Variants in ATP6V0E1 observed in about 807,000 individuals in gnomAD.
The protein encoded by ATP6V0E1 is ATPase H+ transporting V0 subunit e1.
Under a neutral mutation model 11.6 loss-of-function variants are expected in ATP6V0E1, and 4 were observed. The observed-to-expected ratio is 0.35, with a 90% CI of 0.17 to 0.79. The LOEUF (loss-of-function observed/expected upper bound fraction) is 0.79. Among genes scored for constraint, ATP6V0E1 ranks in the 30% least tolerant of loss-of-function variants. ATP6V0E1 has a pLI of 0.54. For synonymous variants in ATP6V0E1, 36 were observed against 34.8 expected (o/e 1.04, Z -0.13); for missense variants, 105 against 100.0 (o/e 1.05, Z -0.21).
intron 2 of ATP6V0E1, among the ~76,000 whole-genome samples, chr5:173,017,378 AC>A (rs1756415821): frequency 6.6e-6 from 1 of 151,748 alleles, no homozygotes; most frequent in African/African-American, 2.4e-5. Flanking sequence ...TACTAAAAAT[AC>A]AAAAATTAGC....
chr5:173,007,715 A>G (rs955181756), intron 2 of ATP6V0E1, among the ~76,000 whole-genome samples: 1 of 152,152 alleles, frequency 6.6e-6, no homozygotes, highest in Admixed American at 6.5e-5. Context: ...CAAAGAACAG[A>G]CTTGGAAGGG....
intron 1 of ATP6V0E1, among the ~76,000 whole-genome samples, chr5:172,993,502 T>A (rs1199638130): frequency 6.6e-6 from 1 of 151,550 alleles, no homozygotes; most frequent in Non-Finnish European, 1.5e-5. Context: ...TGAGACTCTG[T>A]CTCAAAAAAC....
chr5:173,029,795 T>G (rs1284610921), intron 3 of ATP6V0E1, among the ~76,000 whole-genome samples: 1 of 152,164 alleles, frequency 6.6e-6, no homozygotes, highest in East Asian at 1.9e-4. Context: ...AGCGGTCCCA[T>G]GAGCCACAAC....
At chr5:173,021,495 G>A (rs1484674770) in intron 3 of ATP6V0E1, among the ~76,000 whole-genome samples, 1 of 152,054 alleles carries the variant, frequency 6.6e-6, no homozygotes, top group Non-Finnish European at 1.5e-5. Flanking sequence ...AGAACAGTAT[G>A]GGGGAACTGC....
chr5:172,995,225 A>G (rs1756046100), intron 2 of ATP6V0E1, among the ~76,000 whole-genome samples: 1 of 152,128 alleles, frequency 6.6e-6, no homozygotes, highest in Non-Finnish European at 1.5e-5. Flanking sequence ...TGCCTCAGCT[A>G]CCTAAATGGC....
At chr5:173,009,964 A>G (rs929116943) in intron 2 of ATP6V0E1, among the ~76,000 whole-genome samples, 1 of 149,092 alleles carries the variant, frequency 6.7e-6, no homozygotes, top group African/African-American at 2.5e-5. Flanking sequence ...GGGTTTCACC[A>G]TGTTGGTCAC....
At chr5:173,010,025 G>A (rs1756295631) in intron 2 of ATP6V0E1, among the ~76,000 whole-genome samples, 2 of 152,196 alleles carry the variant, frequency 1.3e-5, no homozygotes, top group Non-Finnish European at 2.9e-5. Flanking sequence ...GCCTCCCAAA[G>A]TGCTGGAATT....
chr5:173,026,697 T>C (rs1490951912), intron 3 of ATP6V0E1, among the ~76,000 whole-genome samples: 1 of 152,250 alleles, frequency 6.6e-6, no homozygotes, highest in Non-Finnish European at 1.5e-5. Flanking sequence ...GGGTTATTTC[T>C]AGTCTTTTGC....
rs960563129 is a variant in ATP6V0E1, at chr5:172,992,872, A to C, written c.105-1903A>C. ...GAGTGCAATAGCGCAATCTCGGCTC[A>C]CTGCAACGTCTGCCTCCCAAGTTCA... On this transcript the variant is annotated intron_variant, in intron 1 of 3. Coordinates refer to ENST00000519374, the MANE Select transcript of ATP6V0E1 (RefSeq NM_003945.4). 3.9e-5 allele frequency among the ~76,000 whole-genome samples: 6 copies of C among 152,010 alleles called. No individual in the cohort carries two copies. The East Asian group carries it at 1.2e-3, about 29-fold the overall frequency.
chr5:173,024,952 C>G (rs1361033219), intron 3 of ATP6V0E1, among the ~76,000 whole-genome samples: 6 of 147,844 alleles, frequency 4.1e-5, no homozygotes, highest in Non-Finnish European at 8.9e-5. Flanking sequence ...AAGCGATTCT[C>G]CTGCCTCAGC....
chr5:172,990,687 T>TCCA (rs1755965426), intron 1 of ATP6V0E1, among the ~76,000 whole-genome samples: 1 of 151,394 alleles, frequency 6.6e-6, no homozygotes, highest in Admixed American at 6.6e-5. Context: ...ATTAGCCAGG[T>TCCA]GTGGTGGTGT....
chr5:173,018,601 C>T (rs191259107), intron 2 of ATP6V0E1, among the ~76,000 whole-genome samples: 26 of 152,034 alleles, frequency 1.7e-4, no homozygotes, highest in African/African-American at 4.1e-4. Flanking sequence ...ACCACCCTGT[C>T]GAAATAATGC....
chr5:172,993,499 C>CT (rs1756014837), intron 1 of ATP6V0E1, among the ~76,000 whole-genome samples: 2 of 151,860 alleles, frequency 1.3e-5, no homozygotes, highest in Admixed American at 1.3e-4. Context: ...GAGTGAGACT[C>CT]TGTCTCAAAA....
chr5:173,014,160 T>TAAAAAAAAAAAAAAAAA (rs757466248), intron 2 of ATP6V0E1, among the ~76,000 whole-genome samples: 2 of 67,824 alleles, frequency 2.9e-5, no homozygotes, highest in Admixed American at 1.7e-4. Flanking sequence ...GACTCCATCT[T>TAAAAAAAAAAAAAAAAA]AAAAAAAAAA....
At chr5:173,004,513 C>T (rs962891717) in intron 2 of ATP6V0E1, among the ~76,000 whole-genome samples, 31 of 151,948 alleles carry the variant, frequency 2.0e-4, no homozygotes, top group African/African-American at 7.3e-4. Flanking sequence ...TTACAGAGAA[C>T]ACAGTGGAAG....
At position 172,990,154 on chromosome 5, in the gene ATP6V0E1, C is replaced by A. The variant is rs559967174; in HGVS notation, c.105-4621C>A. Among the ~76,000 whole-genome samples, 213 of 152,048 alleles carry A rather than the reference C, an allele frequency of 1.4e-3. 1 individual carries two copies. Among genetic ancestry groups the A allele is most frequent in the African/African-American group, 5.0e-3 (209 of 41,500 alleles). ...GCTCAGCCAGGAAAAACTTATGAAT[C>A]TTTTCTTTTATTAAAAAAAAAAATA... On this transcript the variant is annotated intron_variant, in intron 1 of 3. Transcript: ENST00000519374.
At chr5:173,003,532 T>C (rs550467272) in intron 2 of ATP6V0E1, among the ~76,000 whole-genome samples, 1 of 152,276 alleles carries the variant, frequency 6.6e-6, no homozygotes, top group South Asian at 2.1e-4. Context: ...ACAGACTGTT[T>C]GGCGGGGAGA....
chr5:172,984,186 C>T (rs1486859630), intron 1 of ATP6V0E1, among the ~76,000 whole-genome samples: 1 of 152,162 alleles, frequency 6.6e-6, no homozygotes, highest in African/African-American at 2.4e-5. Flanking sequence ...GGTGGACCCC[C>T]CTTGGAAACG....
chr5:173,008,465 T>C (rs1756262771), intron 2 of ATP6V0E1, among the ~76,000 whole-genome samples: 1 of 150,872 alleles, frequency 6.6e-6, no homozygotes, highest in Non-Finnish European at 1.5e-5. Context: ...ACTGCCCAGC[T>C]AATTTTTGTT....
Sources: gnomAD v4.1 joint callset for allele counts (sites outside exome capture counted in the v4.1 genomes callset) on GRCh38, gnomAD v4.1.1 for gene constraint, MANE v1.5 for transcripts, NCBI Gene and HGNC (gene_info 2026-07-23, HGNC 2026-07-21) for gene names.